The following HPCAL1 variants were observed in gnomAD, a reference collection of about 807,000 sequenced individuals.
HPCAL1 encodes hippocalcin-like protein 1.
Under a neutral mutation model 17.1 loss-of-function variants are expected in HPCAL1, and 8 were observed. The observed-to-expected ratio is 0.47, with a 90% CI of 0.27 to 0.84. The LOEUF (loss-of-function observed/expected upper bound fraction) is 0.84. HPCAL1 is among the 40% of genes least tolerant of loss of function. The pLI, the probability that HPCAL1 is intolerant of heterozygous loss-of-function variation, is 0.13. For missense variants in HPCAL1, 165 were observed against 271.1 expected (o/e 0.61, Z 2.75); for synonymous variants, 112 against 111.4 (o/e 1.01, Z -0.03).
At position 10,395,429 on chromosome 2, in the gene HPCAL1, G is replaced by A. The variant is rs577068081; in HGVS notation, c.-110-1406G>A. Among the ~76,000 whole-genome samples, 25 of 144,450 alleles carry A rather than the reference G, an allele frequency of 1.7e-4. No homozygotes were observed. The highest frequency in any genetic ancestry group is 4.9e-4 in the South Asian group (2 of 4,110). 94.8% of individuals were successfully genotyped at this position (144,450 alleles called of 152,430 possible). On this transcript the variant is annotated intron_variant, in intron 1 of 4. Coordinates refer to ENST00000307845, the MANE Select transcript of HPCAL1 (RefSeq NM_002149.4). This position sits in a 1 kb window ranked among gnomAD's most constrained non-coding sequence, Gnocchi z 4.4. ...CTGGACGCATAGACGTGAAACGGAC[G>A]ATTTCCTGACCTTGTGGCGCTCACA...
At chr2:10,403,452 TTTTGTGTGTGTGTGTGTG>T (rs1358680295) in intron 2 of HPCAL1, among the ~76,000 whole-genome samples, 2,450 of 144,370 alleles carry the variant, frequency 0.017, 105 homozygotes, top group African/African-American at 0.06. Context: ...CAAAGAGTTC[TTTTGTGTGTGTGTGTGTG>T]TGTGTGTGTG....
chr2:10,340,912 C>CA (rs1239909925), intron 1 of HPCAL1, among the ~76,000 whole-genome samples: 1 of 152,172 alleles, frequency 6.6e-6, no homozygotes, highest in Non-Finnish European at 1.5e-5. Flanking sequence ...AATTAACTCT[C>CA]AAACTCCTCT....
At chr2:10,355,054 A>G (rs1666057362) in intron 1 of HPCAL1, among the ~76,000 whole-genome samples, 1 of 152,218 alleles carries the variant, frequency 6.6e-6, no homozygotes, top group Admixed American at 6.5e-5. Context: ...CATGTGTACC[A>G]TGTGTTTAAA....
At chr2:10,370,429 C>A (rs1667133835) in intron 1 of HPCAL1, among the ~76,000 whole-genome samples, 1 of 152,224 alleles carries the variant, frequency 6.6e-6, no homozygotes, top group Admixed American at 6.5e-5. Flanking sequence ...AAGCCCTAAA[C>A]CCTCATGTGC....
intron 4 of HPCAL1, 71 bp downstream of exon 4, chr2:10,423,159 C>A: frequency 8.7e-7 from 1 of 1,154,310 alleles, no homozygotes; most frequent in Non-Finnish European, 1.3e-6. Flanking sequence ...TTTGGGGCAC[C>A]CCCTCCCCTC....
At chr2:10,379,632 C>G (rs890862871) in intron 1 of HPCAL1, among the ~76,000 whole-genome samples, 1 of 152,106 alleles carries the variant, frequency 6.6e-6, no homozygotes, top group Non-Finnish European at 1.5e-5. Flanking sequence ...GCCAGCAGTT[C>G]CCCCATCTGC....
intron 1 of HPCAL1, among the ~76,000 whole-genome samples, chr2:10,346,086 G>A (rs1665423212): frequency 6.6e-6 from 1 of 152,118 alleles, no homozygotes. Context: ...GTGTGTGTGT[G>A]TATGCATGCA....
intron 1 of HPCAL1, among the ~76,000 whole-genome samples, chr2:10,388,463 C>G (rs577270749): frequency 5.4e-4 from 82 of 152,272 alleles, no homozygotes; most frequent in African/African-American, 6.7e-4. Context: ...AGTGAACAAA[C>G]AAGTTTCAGT....
chr2:10,420,112 A>G lies in HPCAL1; in HGVS notation c.355A>G (p.Ser119Gly), dbSNP rs144896821. The change falls in exon 3 of 5, where the codon AGC becomes GGC. Residue 119 changes from serine to glycine, a missense_variant. Coordinates refer to ENST00000307845, the MANE Select transcript of HPCAL1 (RefSeq NM_002149.4). Reference sequence around the variant, plus strand: ...GGACGGCAACGGCTACATCAGCCGCAGCGAGATGCTGGAGATCGTGCAGGT... The same window carrying G: ...GGACGGCAACGGCTACATCAGCCGCGGCGAGATGCTGGAGATCGTGCAGGT... Reference protein sequence around the residue: ...DLDGNGYISRSEMLEIVQAIY... With the variant: ...DLDGNGYISRGEMLEIVQAIY... 6.2e-7 allele frequency: 1 copy of G among 1,611,764 alleles called. No individual in the cohort carries two copies. The highest frequency in any genetic ancestry group is 8.5e-7 in the Non-Finnish European group (1 of 1,179,018).
chr2:10,305,298 T>C (rs1177359346), intron 1 of HPCAL1, among the ~76,000 whole-genome samples: 1 of 152,210 alleles, frequency 6.6e-6, no homozygotes, highest in Non-Finnish European at 1.5e-5. Flanking sequence ...GTGTTTTGTT[T>C]TGTTTTTGTT....
intron 4 of HPCAL1, chr2:10,424,776 C>T: frequency 2.5e-6 from 1 of 392,914 alleles, no homozygotes; most frequent in Non-Finnish European, 5.2e-6. Context: ...AGAGTCAGTT[C>T]AGGGAGTGGT....
At chr2:10,399,225 A>G (rs1274954820) in intron 2 of HPCAL1, among the ~76,000 whole-genome samples, 4 of 140,226 alleles carry the variant, frequency 2.9e-5, no homozygotes, top group African/African-American at 5.4e-5. Context: ...CACCACCACC[A>G]CCACCACCAC....
chr2:10,386,205 G>A (rs1302545011), intron 1 of HPCAL1, among the ~76,000 whole-genome samples: 1 of 152,138 alleles, frequency 6.6e-6, no homozygotes, highest in East Asian at 1.9e-4. Flanking sequence ...GGGCCACCAT[G>A]TTGATCCTCT....
rs1054689500 is a variant in HPCAL1 at position 10,330,871 on chromosome 2, G to A, written c.-111+27694G>A. ...CCCGATCATCTTTGTGAGAATGCAG[G>A]TTCCCAGGCCCACACCGTGCTGGTT... On this transcript the variant is annotated intron_variant, in intron 1 of 4. Coordinates refer to ENST00000307845, the MANE Select transcript of HPCAL1 (RefSeq NM_002149.4). The surrounding 1 kb of genome is among the most constrained non-coding windows in gnomAD (Gnocchi z 4.2). Among the ~76,000 whole-genome samples, 1 of 152,164 alleles carries A rather than the reference G, an allele frequency of 6.6e-6. No individual in the cohort carries two copies. The highest frequency in any genetic ancestry group is 2.4e-5 in the African/African-American group (1 of 41,446).
At chr2:10,403,779 G>A (rs1327006474) in intron 2 of HPCAL1, among the ~76,000 whole-genome samples, 2 of 151,606 alleles carry the variant, frequency 1.3e-5, no homozygotes, top group Non-Finnish European at 2.9e-5. Context: ...CACCGAGTCC[G>A]GCCAACAAAG....
intron 1 of HPCAL1, among the ~76,000 whole-genome samples, chr2:10,314,148 A>G (rs955100675): frequency 6.6e-6 from 1 of 152,144 alleles, no homozygotes; most frequent in Non-Finnish European, 1.5e-5. Flanking sequence ...AAAAAAAAAA[A>G]AAAAGAATCC....
rs1286683597 is a variant in HPCAL1 at position 10,377,524 on chromosome 2, G to A, written c.-110-19311G>A. On this transcript the variant is annotated intron_variant, in intron 1 of 4. Transcript: ENST00000307845. The surrounding 1 kb of genome is among the most constrained non-coding windows in gnomAD (Gnocchi z 5.9). ...CCCCATCCCTGTCCTTTCACGCACT[G>A]TCTGCCCGCACACACTCTTCCACCC... Among the ~76,000 whole-genome samples the A allele has an allele frequency of 6.6e-6, 1 of 152,002 alleles. No homozygotes were observed. Among genetic ancestry groups the A allele is most frequent in the Non-Finnish European group, 1.5e-5 (1 of 67,978 alleles).
In HPCAL1 at chr2:10,304,928, G is replaced by A. The variant is rs1307032622; in HGVS notation, c.-111+1751G>A. ...TGGATGCGCTTCCCAACTGTCAGGG[G>A]CTACGTGATGGTGTTCCCAGAGAGG... On this transcript the variant is annotated intron_variant, in intron 1 of 4. Transcript: ENST00000307845. The surrounding 1 kb of genome is among the most constrained non-coding windows in gnomAD (Gnocchi z 4.1). Among the ~76,000 whole-genome samples the A allele has an allele frequency of 2.6e-5, 4 of 152,186 alleles. No homozygotes were observed. Among genetic ancestry groups the A allele is most frequent in the Non-Finnish European group, 4.4e-5 (3 of 68,018 alleles).
chr2:10,333,738 C>G (rs913578011), intron 1 of HPCAL1, among the ~76,000 whole-genome samples: 1 of 152,112 alleles, frequency 6.6e-6, no homozygotes, highest in African/African-American at 2.4e-5. Flanking sequence ...CCATAACTAC[C>G]CTGCCCACCT....
Sources: allele counts gnomAD v4.1 joint callset (sites outside exome capture counted in the v4.1 genomes callset), GRCh38; gene constraint gnomAD v4.1.1; non-coding constraint Gnocchi (gnomAD v3.1); transcripts MANE v1.5; gene names NCBI Gene and HGNC (gene_info 2026-07-23, HGNC 2026-07-21).